Variants in HELB observed in about 807,000 individuals in gnomAD.
HELB encodes the protein DNA helicase B, also known as DNA 5'-3' helicase B.
HELB carries 96 observed loss-of-function variants against 101.7 expected under a neutral mutation model. That is an observed-to-expected ratio of 0.94 (90% CI 0.80 to 1.12). The LOEUF (loss-of-function observed/expected upper bound fraction) is 1.12, where lower values mean the gene tolerates loss of function less well. HELB is among the 50% of genes most tolerant of loss of function. The pLI, the probability that HELB is intolerant of heterozygous loss-of-function variation, is 0.00. For missense variants in HELB, 1,210 were observed against 1,291.9 expected (o/e 0.94, Z 0.97); for synonymous variants, 437 against 459.7 (o/e 0.95, Z 0.63).
At position 66,302,511 on chromosome 12, in the gene HELB, G is replaced by T; in HGVS notation, c.-93G>T. ...GGCCGCCAGGCCGTTCCCGGAAGTT[G>T]ATGGCCTTACAGTCGTAGAACTGAT... On this transcript the variant is annotated 5_prime_UTR_variant, in exon 1 of 13. Coordinates refer to ENST00000247815, the MANE Select transcript of HELB (RefSeq NM_001370285.1). 1 of 1,177,830 alleles carries T rather than the reference G, an allele frequency of 8.5e-7. No individual in the cohort carries two copies. The highest frequency in any genetic ancestry group is 1.2e-6 in the Non-Finnish European group (1 of 849,562). The allele number at this position is 1,177,830 out of a possible 1,614,324, so 73.0% of individuals were successfully genotyped here.
At chr12:66,341,799 T>C (rs564350696), downstream of HELB, 2 of 152,190 alleles carry the variant, frequency 1.3e-5, no homozygotes, top group Non-Finnish European at 2.9e-5. Context: ...TTTTAAAGTA[T>C]GGCACTCCTG....
chr12:66,322,579 A>C, intron 8 of HELB, 145 bp from the exon 9 acceptor site: 1 of 477,454 alleles, frequency 2.1e-6, no homozygotes, highest in East Asian at 3.3e-5. Flanking sequence ...AAAAAAAAAA[A>C]AAAGATAAAA....
At position 66,302,571 on chromosome 12, in the gene HELB, T is replaced by C; in HGVS notation, c.-33T>C. 6.3e-7 allele frequency: 1 copy of C among 1,599,890 alleles called. No individual in the cohort carries two copies. The highest frequency in any genetic ancestry group is 1.1e-5 in the South Asian group (1 of 90,580). ...ATGACCATGCAGTTAGCCAGGGTTT[T>C]CCCGAGTTGTTTGGGTTGAGTTCAG... On this transcript the variant is annotated 5_prime_UTR_variant, in exon 1 of 13. Coordinates refer to ENST00000247815, the MANE Select transcript of HELB (RefSeq NM_001370285.1).
chr12:66,310,623 A>T lies in HELB; in HGVS notation c.1680+15A>T. 1 of 1,595,040 alleles carries T rather than the reference A, an allele frequency of 6.3e-7. No homozygotes were observed. The highest frequency in any genetic ancestry group is 8.5e-7 in the Non-Finnish European group (1 of 1,172,320). ...CACTGTGTCAGGTAAAACCTTTGAC[A>T]TTTCATCTGTAGATAAAACATTTGT... On this transcript the variant is annotated intron_variant, in intron 4 of 12. Coordinates refer to ENST00000247815, the MANE Select transcript of HELB (RefSeq NM_001370285.1).
At chr12:66,343,601 T>C (rs753924801) in exon 14 of HELB, 8 of 152,228 alleles carry the variant, frequency 5.3e-5, no homozygotes, top group Non-Finnish European at 1.0e-4. Flanking sequence ...TTTCAGAGTA[T>C]AAGTTTTGTA....
chr12:66,327,092 G>C (rs2053750928), intron 11 of HELB, among the ~76,000 whole-genome samples: 1 of 95,330 alleles, frequency 1.0e-5, no homozygotes, highest in Non-Finnish European at 2.0e-5. Context: ...TGTTTATATA[G>C]AAAGGATGTC....
At position 66,331,260 on chromosome 12, in the gene HELB, T is replaced by C. The variant is rs369098624; in HGVS notation, c.2777T>C (p.Ile926Thr). 58 of 1,614,128 alleles carry C rather than the reference T, an allele frequency of 3.6e-5. No homozygotes were observed. The highest frequency in any genetic ancestry group is 4.8e-5 in the Non-Finnish European group (57 of 1,180,052). Residue 926 changes from isoleucine to threonine, a missense_variant, in exon 12 of 13, where the codon ATT (isoleucine) becomes ACT (threonine). This residue lies in a region of HELB where 740 missense variants were observed against 728.8 expected (regional missense o/e 1.02). Coordinates refer to ENST00000247815, the MANE Select transcript of HELB (RefSeq NM_001370285.1). ...VTRGRCRVYV[I>T]AEESQLRNAI... ...AGGGGCCGCTGCCGAGTGTATGTGA[T>C]TGCAGAGGAGTCTCAGCTCCGGAAT... is the stretch of plus-strand genomic sequence containing the variant.
intron 10 of HELB, chr12:66,324,758 G>A (rs1022740290): frequency 2.0e-6 from 1 of 498,264 alleles, no homozygotes; most frequent in Non-Finnish European, 3.6e-6. Context: ...GAGTCAAATT[G>A]AAGATAAGTT....
At chr12:66,340,789 C>A (rs1162740663), downstream of HELB, 1 of 152,792 alleles carries the variant, frequency 6.5e-6, no homozygotes, top group Non-Finnish European at 1.5e-5. Context: ...GGCTGGGAGC[C>A]TAGGCCAGTC....
chr12:66,324,896 T>C (rs1367465750), intron 10 of HELB, 87 bp from the exon 11 acceptor site: 1 of 1,520,712 alleles, frequency 6.6e-7, no homozygotes, highest in South Asian at 1.1e-5. Context: ...TATTTTATGT[T>C]TGACCCAAAG....
Position 66,331,509 on chromosome 12 carries a change from G to C in HELB, c.3026G>C (p.Arg1009Thr). 2 of 1,614,082 alleles carry C rather than the reference G, an allele frequency of 1.2e-6. No homozygotes were observed. Among genetic ancestry groups the C allele is most frequent in the East Asian group, 4.5e-5 (2 of 44,862 alleles). Residue 1009 changes from arginine (R) to threonine (T), a missense_variant, in exon 12 of 13, where the codon AGG (arginine) becomes ACG (threonine). Around this residue, in one of 2 missense-constraint regions of HELB, gnomAD observed 740 missense variants for 728.8 expected, o/e 1.02. Transcript: ENST00000247815. ...AGCGAGGCCTCTTCGCCTGATGAGA[G>C]GACACTCACCTTTGCTGAAAGATGG... is the stretch of plus-strand genomic sequence containing the variant. ...TWSEASSPDE[R>T]TLTFAERWQL...
intron 10 of HELB, chr12:66,324,630 C>T: frequency 7.1e-6 from 2 of 282,958 alleles, no homozygotes; most frequent in Non-Finnish European, 6.8e-6. Context: ...AGTGTAGATA[C>T]CCTCACTGAA....
rs144217869 is a variant in HELB, at chr12:66,333,862, T to C, written c.3162+2217T>C. On this transcript the variant is annotated intron_variant, in intron 12 of 12. Transcript: ENST00000247815. ...GAAGCAGTGGTGTAATATCATCTGATGCCTGCTTAAACATAGTCCCAGCAT... is the reference window on the plus strand; with the variant it reads ...GAAGCAGTGGTGTAATATCATCTGACGCCTGCTTAAACATAGTCCCAGCAT... Among the ~76,000 whole-genome samples the C allele has an allele frequency of 2.4e-3, 364 of 151,698 alleles. 2 individuals are homozygous for C. Among genetic ancestry groups the C allele is most frequent in the African/African-American group, 7.4e-3 (308 of 41,362 alleles).
At chr12:66,318,605 GTTCT>G in intron 6 of HELB, 29 bp from the exon 7 acceptor site, 2 of 1,563,702 alleles carry the variant, frequency 1.3e-6, no homozygotes, top group Non-Finnish European at 1.7e-6. Context: ...GGATGATAAT[GTTCT>G]TTGTGTGTGT....
Position 66,304,801 on chromosome 12 carries a change from G to A in HELB, c.258G>A (p.Trp86Ter), listed in dbSNP as rs888066538. 1 of 1,614,084 alleles carries A rather than the reference G, an allele frequency of 6.2e-7. No individual in the cohort carries two copies. The highest frequency in any genetic ancestry group is 1.1e-5 in the South Asian group (1 of 91,072). Residue 86 changes from tryptophan to a stop codon, truncating the protein, a stop_gained, in exon 2 of 13, where the codon TGG (tryptophan) becomes TGA (stop). Coordinates refer to ENST00000247815, the MANE Select transcript of HELB (RefSeq NM_001370285.1). LOFTEE classifies it high-confidence loss of function. ...VFGRFPITGA[W>*]WRVKVQVKPV... ...GACGTTTTCCGATAACAGGTGCTTG[G>A]TGGAGAGTGAAGGTACAAGTAAAGC...
chr12:66,330,547 G>A (rs979907521), intron 11 of HELB, among the ~76,000 whole-genome samples: 1 of 149,324 alleles, frequency 6.7e-6, no homozygotes, highest in African/African-American at 2.4e-5. Flanking sequence ...ATGTGTGTGT[G>A]TATCTATCTA....
intron 3 of HELB, among the ~76,000 whole-genome samples, chr12:66,307,636 G>T (rs1456151283): frequency 1.3e-5 from 2 of 151,990 alleles, no homozygotes; most frequent in Non-Finnish European, 2.9e-5. Context: ...GTGAAGCACA[G>T]ACCTTGCGTT....
Position 66,305,746 on chromosome 12 carries a change from T to TA in HELB, c.608-584dup, listed in dbSNP as rs11340576. Among the ~76,000 whole-genome samples, 134 of 147,308 alleles carry TA rather than the reference T, an allele frequency of 9.1e-4. 1 individual carries two copies. The highest frequency in any genetic ancestry group is 2.7e-3 in the African/African-American group (109 of 39,958). On this transcript the variant is annotated intron_variant, in intron 2 of 12. Coordinates refer to ENST00000247815, the MANE Select transcript of HELB (RefSeq NM_001370285.1). ...GGTGAGAGTGAGACACCGTCTCAGTTAAAAAAAAAAAAAAATCAGTTGTAA... is the reference window on the plus strand; with the variant it reads ...GGTGAGAGTGAGACACCGTCTCAGTTAAAAAAAAAAAAAAAATCAGTTGTAA...
chr12:66,325,179 C>A, intron 11 of HELB, 53 bp downstream of exon 11: 1 of 1,306,790 alleles, frequency 7.7e-7, no homozygotes, highest in South Asian at 1.3e-5. Context: ...CCTTAGAGCG[C>A]CTTGCATTGT....
Sources: allele counts gnomAD v4.1 joint callset (sites outside exome capture counted in the v4.1 genomes callset), GRCh38; gene constraint gnomAD v4.1.1; regional missense constraint gnomAD v4.1.1; transcripts MANE v1.5; gene names NCBI Gene and HGNC (gene_info 2026-07-23, HGNC 2026-07-21).